RBFOX1: variants seen among roughly 807,000 people sequenced by gnomAD.
The protein encoded by RBFOX1 is RNA binding protein fox-1 homolog 1.
Under a neutral mutation model 57.7 loss-of-function variants are expected in RBFOX1, and 8 were observed. That is an observed-to-expected ratio of 0.14 (90% confidence interval 0.08 to 0.25). RBFOX1 has a LOEUF of 0.25. Among genes scored for constraint, RBFOX1 ranks in the 10% least tolerant of loss-of-function variants. The pLI, the probability that RBFOX1 is intolerant of heterozygous loss-of-function variation, is 1.00. For missense variants in RBFOX1, 611 were observed against 548.5 expected (o/e 1.11, Z -1.14); for synonymous variants, 326 against 222.4 (o/e 1.47, Z -4.15).
intron 4 of RBFOX1, chr16:7,304,110 G>A (rs1045120585): frequency 4.2e-6 from 3 of 714,418 alleles, no homozygotes; most frequent in African/African-American, 3.9e-5. Flanking sequence ...GAGGAACGCC[G>A]GGATCTAGCA....
intron 1 of RBFOX1, among the ~76,000 whole-genome samples, chr16:5,374,710 A>C (rs568658134): frequency 7.6e-4 from 107 of 140,980 alleles, no homozygotes; most frequent in African/African-American, 2.7e-3. Context: ...ATTTATCTCT[A>C]TGTGTTTTTT....
At chr16:6,352,282 G>C (rs973523719) in intron 2 of RBFOX1, among the ~76,000 whole-genome samples, 1 of 151,990 alleles carries the variant, frequency 6.6e-6, no homozygotes, top group Non-Finnish European at 1.5e-5. Flanking sequence ...TAGGCAGGGG[G>C]GTTGTTTCTT....
At chr16:6,381,319 C>T (rs895762583) in intron 2 of RBFOX1, among the ~76,000 whole-genome samples, 8 of 152,170 alleles carry the variant, frequency 5.3e-5, no homozygotes, top group Admixed American at 4.6e-4. Flanking sequence ...TTTCAACCCT[C>T]ACCTCCCTCC....
chr16:6,119,440 G>A (rs1471411274), intron 1 of RBFOX1, among the ~76,000 whole-genome samples: 1 of 152,116 alleles, frequency 6.6e-6, no homozygotes, highest in Non-Finnish European at 1.5e-5. Context: ...GAAGGCATTT[G>A]CCAAGTTTCT....
intron 3 of RBFOX1, among the ~76,000 whole-genome samples, chr16:6,693,738 C>T (rs2060606733): frequency 6.6e-6 from 1 of 151,848 alleles, no homozygotes; most frequent in Non-Finnish European, 1.5e-5. Flanking sequence ...TCATCCTCAT[C>T]CTCATCCACT....
At chr16:7,362,926 C>G (rs546186315) in intron 4 of RBFOX1, among the ~76,000 whole-genome samples, 6 of 152,224 alleles carry the variant, frequency 3.9e-5, no homozygotes, top group South Asian at 2.1e-4. Flanking sequence ...CAGCTCTGCA[C>G]TAGTGTGTGA....
chr16:7,266,391 G>C (rs2095144097), intron 4 of RBFOX1, among the ~76,000 whole-genome samples: 1 of 152,186 alleles, frequency 6.6e-6, no homozygotes, highest in African/African-American at 2.4e-5. Context: ...CATGACGAAA[G>C]TCCCCTGAGG....
At chr16:5,510,852 C>G (rs112381764) in intron 2 of RBFOX1, among the ~76,000 whole-genome samples, 4 of 152,264 alleles carry the variant, frequency 2.6e-5, no homozygotes, top group South Asian at 4.2e-4. Flanking sequence ...CCATCTGACT[C>G]TCTCTGTCCT....
rs148310919 is a variant in RBFOX1, at chr16:6,112,773, G to C, written c.-127+92781G>C. On this transcript the variant is annotated intron_variant, in intron 1 of 15. Coordinates refer to ENST00000550418, the MANE Select transcript of RBFOX1 (RefSeq NM_018723.4). Reference sequence around the variant, plus strand: ...TGCCCAGAGTTTGATATAAAGAAGGGACATGTCTGAGTGAAATACTTAGCG... The same window carrying C: ...TGCCCAGAGTTTGATATAAAGAAGGCACATGTCTGAGTGAAATACTTAGCG... Among the ~76,000 whole-genome samples, 17 of 152,282 alleles carry C rather than the reference G, an allele frequency of 1.1e-4. No homozygotes were observed. The East Asian group carries it at 3.1e-3, about 28-fold the overall frequency.
At chr16:6,445,888 A>G (rs1177827677) in intron 2 of RBFOX1, among the ~76,000 whole-genome samples, 1 of 151,648 alleles carries the variant, frequency 6.6e-6, no homozygotes, top group Non-Finnish European at 1.5e-5. Context: ...GCCATCTCTG[A>G]ACTCTTTAAA....
At chr16:5,508,012 G>C (rs1220256883) in intron 2 of RBFOX1, among the ~76,000 whole-genome samples, 2 of 152,160 alleles carry the variant, frequency 1.3e-5, no homozygotes, top group Admixed American at 6.5e-5. Context: ...CCATGAGCAA[G>C]GTGTCCCATC....
intron 1 of RBFOX1, among the ~76,000 whole-genome samples, chr16:6,180,857 C>T (rs1043042596): frequency 6.6e-6 from 1 of 152,120 alleles, no homozygotes; most frequent in African/African-American, 2.4e-5. Context: ...TGAGCCACTG[C>T]ACCTGGCCTC....
rs1033904628 is a variant in RBFOX1, at chr16:7,712,935, G to C, written c.*2190G>C. On this transcript the variant is annotated 3_prime_UTR_variant, in exon 16 of 16. Coordinates refer to ENST00000550418, the MANE Select transcript of RBFOX1 (RefSeq NM_018723.4). The stretch of plus-strand genomic sequence containing the variant: ...ATTTGCAGTTTTGATTTTCATCAAT[G>C]AGCTGTACTTTCCCCCATGACTGTA... 1 of 152,158 alleles carries C rather than the reference G, an allele frequency of 6.6e-6. No homozygotes were observed. The highest frequency in any genetic ancestry group is 1.5e-5 in the Non-Finnish European group (1 of 68,020). 9.4% of individuals were successfully genotyped at this position (152,158 alleles called of 1,614,324 possible).
intron 3 of RBFOX1, among the ~76,000 whole-genome samples, chr16:6,854,623 C>G (rs1488990420): frequency 1.3e-5 from 1 of 74,682 alleles, no homozygotes; most frequent in African/African-American, 4.5e-5. Context: ...GAGACTGAGT[C>G]TCGCTGTTTT....
chr16:6,381,763 C>G (rs1024037424), intron 2 of RBFOX1, among the ~76,000 whole-genome samples: 1 of 152,240 alleles, frequency 6.6e-6, no homozygotes. Flanking sequence ...TCTGCTGCTG[C>G]TGGAACTGGG....
chr16:7,141,417 C>T (rs2073756198), intron 4 of RBFOX1, among the ~76,000 whole-genome samples: 1 of 152,140 alleles, frequency 6.6e-6, no homozygotes, highest in Non-Finnish European at 1.5e-5. Context: ...GCTAGAAGAC[C>T]TTATCGCATG....
chr16:6,701,574 G>C (rs1256324374), intron 3 of RBFOX1, among the ~76,000 whole-genome samples: 1 of 152,156 alleles, frequency 6.6e-6, no homozygotes, highest in Non-Finnish European at 1.5e-5. Context: ...GGTGAAGGGG[G>C]AGCAGGAGTG....
At chr16:7,223,536 A>C (rs563421796) in intron 4 of RBFOX1, among the ~76,000 whole-genome samples, 1 of 152,192 alleles carries the variant, frequency 6.6e-6, no homozygotes, top group African/African-American at 2.4e-5. Flanking sequence ...TCAGAACTCC[A>C]AATTTTCAGG....
chr16:6,867,013 C>G (rs9932626), intron 3 of RBFOX1, among the ~76,000 whole-genome samples: 99,229 of 141,026 alleles, frequency 0.7, 33,437 homozygotes, highest in East Asian at 0.88. Flanking sequence ...GTTAGCTGTT[C>G]TTTAAAAAAA....
Sources: allele counts gnomAD v4.1 joint callset (sites outside exome capture counted in the v4.1 genomes callset), GRCh38; gene constraint gnomAD v4.1.1; transcripts MANE v1.5; gene names NCBI Gene and HGNC (gene_info 2026-07-23, HGNC 2026-07-21).